Variants in ARHGAP5 observed in about 807,000 individuals in gnomAD.
ARHGAP5 encodes rho GTPase-activating protein 5.
In ARHGAP5, 23 loss-of-function variants were observed where a neutral mutation model predicts 116.6. That is an observed-to-expected ratio of 0.20 (90% CI 0.14 to 0.28). The LOEUF (loss-of-function observed/expected upper bound fraction) is 0.28, where lower values mean the gene tolerates loss of function less well. Ranked by LOEUF, ARHGAP5 falls within the 10% of genes least tolerant of loss-of-function variation. ARHGAP5 has a pLI of 1.00. For missense variants in ARHGAP5, 1,405 were observed against 1,774.8 expected (o/e 0.79, Z 3.74); for synonymous variants, 574 against 602.0 (o/e 0.95, Z 0.68).
intron 3 of ARHGAP5, among the ~76,000 whole-genome samples, chr14:32,143,064 T>TTA (rs771303015): frequency 1.3e-5 from 2 of 152,166 alleles, no homozygotes; most frequent in Admixed American, 6.5e-5. Context: ...CCCTGGTTTT[T>TTA]TATCTGTTAG....
chr14:32,125,078 C>T (rs1366736757), intron 3 of ARHGAP5, among the ~76,000 whole-genome samples: 1 of 152,136 alleles, frequency 6.6e-6, no homozygotes, highest in African/African-American at 2.4e-5. Flanking sequence ...AGTATATTCA[C>T]AGTGTTGGAT....
intron 2 of ARHGAP5, among the ~76,000 whole-genome samples, chr14:32,101,937 C>T (rs371387498): frequency 1.3e-5 from 2 of 151,852 alleles, no homozygotes; most frequent in Non-Finnish European, 2.9e-5. Flanking sequence ...GAGCCAAGAT[C>T]GTGCCACTGC....
intron 1 of ARHGAP5, among the ~76,000 whole-genome samples, chr14:32,089,742 A>T (rs777342682): frequency 6.6e-6 from 1 of 151,858 alleles, no homozygotes; most frequent in Non-Finnish European, 1.5e-5. Flanking sequence ...GGCAGTTTTA[A>T]GTTTCTTGAA....
rs142888518 is a variant in ARHGAP5 at position 32,093,152 on chromosome 14, G to A, written c.2483G>A (p.Arg828Gln). ...AAAATCATTGGTGAAAAAAGGAGGC[G>A]AATACAGATCACAATATTATCATAC... ...LDKIIGEKRRRIQITILSYHS... is the reference protein window; with the variant it reads ...LDKIIGEKRRQIQITILSYHS... Residue 828 changes from arginine to glutamine, a missense_variant, in exon 2 of 7, where the codon CGA (arginine) becomes CAA (glutamine). Physicochemically the swap from Arg to Gln is conservative, Grantham distance 43. Around this residue, in one of 6 missense-constraint regions of ARHGAP5, gnomAD observed 944 missense variants for 1,095.3 expected, o/e 0.86. Transcript: ENST00000345122. 43 of 1,613,878 alleles carry A rather than the reference G, an allele frequency of 2.7e-5. No homozygotes were observed. Among genetic ancestry groups the A allele is most frequent in the African/African-American group, 1.7e-4 (13 of 74,994 alleles).
chr14:32,080,132 A>G (rs983662042), intron 1 of ARHGAP5, among the ~76,000 whole-genome samples: 4 of 152,118 alleles, frequency 2.6e-5, no homozygotes, highest in African/African-American at 9.6e-5. Context: ...AAATGCTTCA[A>G]TGCTAAGAAT....
At chr14:32,107,437 A>T (rs1041850167) in intron 2 of ARHGAP5, among the ~76,000 whole-genome samples, 3 of 140,216 alleles carry the variant, frequency 2.1e-5, no homozygotes, top group Non-Finnish European at 4.4e-5. Flanking sequence ...CAGAAATCTT[A>T]TGTGTGAAGG....
chr14:32,094,367 A>G lies in ARHGAP5; in HGVS notation c.3698A>G (p.Lys1233Arg). The G allele has an allele frequency of 1.3e-6, 2 of 1,574,094 alleles. No homozygotes were observed. The highest frequency in any genetic ancestry group is 2.2e-5 in the East Asian group (1 of 44,628). ...AAGAAGATGAAGAAGAAAACCCACA[A>G]AGTGAAAGAAGATAAAAAGGTAAGG... is the stretch of plus-strand genomic sequence containing the variant. ...DDKKMKKKTH[K>R]VKEDKKQKKK... The change falls in exon 2 of 7, where the codon AAA (lysine) becomes AGA (arginine). Residue 1233 changes from lysine (K) to arginine (R), a missense_variant. Lys to Arg is a conservative substitution (Grantham distance 26). Around this residue, in one of 6 missense-constraint regions of ARHGAP5, gnomAD observed 176 missense variants for 221.2 expected, o/e 0.80. Transcript: ENST00000345122.
At chr14:32,102,971 T>C (rs901639420) in intron 2 of ARHGAP5, among the ~76,000 whole-genome samples, 1 of 152,248 alleles carries the variant, frequency 6.6e-6, no homozygotes, top group Non-Finnish European at 1.5e-5. Context: ...TTAAATATGT[T>C]TTATATTTTC....
At chr14:32,143,487 G>C (rs931378827) in intron 3 of ARHGAP5, among the ~76,000 whole-genome samples, 2 of 151,986 alleles carry the variant, frequency 1.3e-5, no homozygotes, top group African/African-American at 2.4e-5. Context: ...CTCGTGATCC[G>C]CCCGCTTTGG....
In ARHGAP5 at chr14:32,090,836, T is replaced by C; in HGVS notation, c.167T>C (p.Val56Ala). Reference sequence around the variant, plus strand: ...GAATATTATCCAGAGCATACTTCTGTGCTTAGCACCATTGACTTTGGAGGA... The same window carrying C: ...GAATATTATCCAGAGCATACTTCTGCGCTTAGCACCATTGACTTTGGAGGA... ...ADEYYPEHTS[V>A]LSTIDFGGRV... Residue 56 changes from valine to alanine, a missense_variant, in exon 2 of 7, where the codon GTG (valine) becomes GCG (alanine). By Grantham distance (64) the Val-to-Ala change is moderately conservative (BLOSUM62 0). This residue lies in a region of ARHGAP5 where 190 missense variants were observed against 314.9 expected (regional missense o/e 0.60). Transcript: ENST00000345122. 1 of 1,613,614 alleles carries C rather than the reference T, an allele frequency of 6.2e-7. No homozygotes were observed. The highest frequency in any genetic ancestry group is 8.5e-7 in the Non-Finnish European group (1 of 1,179,620).
chr14:32,094,080 T>C lies in ARHGAP5; in HGVS notation c.3411T>C (p.Phe1137=). The change falls in exon 2 of 7, where the codon TTT becomes TTC. Residue 1137 remains phenylalanine, a synonymous_variant. Coordinates refer to ENST00000345122, the MANE Select transcript of ARHGAP5 (RefSeq NM_001030055.2). ...NNTQGDEENG[F]SDRTSKSHGE... is the part of the protein sequence containing the mutation. Reference sequence around the variant, plus strand: ...CCCAAGGAGATGAAGAAAATGGGTTTTCTGATAGAACCTCAAAAAGTCATG... The same window carrying C: ...CCCAAGGAGATGAAGAAAATGGGTTCTCTGATAGAACCTCAAAAAGTCATG... 6.2e-7 allele frequency: 1 copy of C among 1,614,078 alleles called. No homozygotes were observed. The highest frequency in any genetic ancestry group is 1.1e-5 in the South Asian group (1 of 91,042).
At chr14:32,114,526 T>G (rs1376486043) in intron 2 of ARHGAP5, among the ~76,000 whole-genome samples, 2 of 152,198 alleles carry the variant, frequency 1.3e-5, no homozygotes, top group Admixed American at 1.3e-4. Context: ...TGACTTGCCC[T>G]TGGCTTGCTG....
At chr14:32,109,251 G>T (rs1879168556) in intron 2 of ARHGAP5, among the ~76,000 whole-genome samples, 2 of 151,560 alleles carry the variant, frequency 1.3e-5, no homozygotes. Context: ...ATAAATTTTG[G>T]CTTCCTTTTT....
rs1458427929 is a variant in ARHGAP5 at position 32,157,803 on chromosome 14, T to G, written c.*2855T>G. ...ATACTGTATGTAAATAATGTAGACC[T>G]GGGTTTTTTTGTTTATTTGGGTTTG... On this transcript the variant is annotated 3_prime_UTR_variant, in exon 7 of 7. Coordinates refer to ENST00000345122, the MANE Select transcript of ARHGAP5 (RefSeq NM_001030055.2). 2 of 151,078 alleles carry G rather than the reference T, an allele frequency of 1.3e-5. No individual in the cohort carries two copies. The highest frequency in any genetic ancestry group is 3.0e-5 in the Non-Finnish European group (2 of 67,516). The allele number at this position is 151,078 out of a possible 1,614,324, so 9.4% of individuals were successfully genotyped here.
At chr14:32,088,068 A>G (rs758975974) in intron 1 of ARHGAP5, among the ~76,000 whole-genome samples, 5 of 151,974 alleles carry the variant, frequency 3.3e-5, no homozygotes, top group Non-Finnish European at 7.4e-5. Context: ...TATAGAGTAT[A>G]TCTCAGTATT....
chr14:32,111,449 AT>A (rs1472137466), intron 2 of ARHGAP5, among the ~76,000 whole-genome samples: 1 of 152,222 alleles, frequency 6.6e-6, no homozygotes, highest in Non-Finnish European at 1.5e-5. Flanking sequence ...AGAACTAATT[AT>A]AGAAAACAGT....
At chr14:32,102,936 C>G (rs1351479143) in intron 2 of ARHGAP5, among the ~76,000 whole-genome samples, 1 of 152,172 alleles carries the variant, frequency 6.6e-6, no homozygotes, top group Admixed American at 6.5e-5. Context: ...GAAATTCAGT[C>G]TAATAAAATT....
At chr14:32,109,381 A>G (rs2139052415) in intron 2 of ARHGAP5, among the ~76,000 whole-genome samples, 1 of 152,206 alleles carries the variant, frequency 6.6e-6, no homozygotes, top group African/African-American at 2.4e-5. Flanking sequence ...TCAGTTTACC[A>G]TCTTTATTCC....
At chr14:32,143,854 G>T (rs150744573) in intron 3 of ARHGAP5, among the ~76,000 whole-genome samples, 121 of 152,278 alleles carry the variant, frequency 7.9e-4, no homozygotes, top group African/African-American at 2.5e-3. Context: ...ATTGACATTT[G>T]AGGCTATTTA....
Sources: gnomAD v4.1 joint callset for allele counts (sites outside exome capture counted in the v4.1 genomes callset) on GRCh38, gnomAD v4.1.1 for gene constraint, gnomAD v4.1.1 regional missense constraint, MANE v1.5 for transcripts, NCBI Gene and HGNC (gene_info 2026-07-23, HGNC 2026-07-21) for gene names.